PTPRT: variants seen among roughly 807,000 people sequenced by gnomAD.
The protein encoded by PTPRT is receptor-type tyrosine-protein phosphatase T.
Under a neutral mutation model 176.8 loss-of-function variants are expected in PTPRT, and 56 were observed. The observed-to-expected ratio is 0.32, with a 90% confidence interval of 0.26 to 0.40. PTPRT has a LOEUF of 0.40. Among genes scored for constraint, PTPRT ranks in the 10% least tolerant of loss-of-function variants. PTPRT has a pLI of 1.00. For synonymous variants in PTPRT, 783 were observed against 739.0 expected (o/e 1.06, Z -0.96); for missense variants, 1,540 against 1,908.2 (o/e 0.81, Z 3.60).
intron 1 of PTPRT, among the ~76,000 whole-genome samples, chr20:43,083,516 T>C (rs1177537921): frequency 6.6e-6 from 1 of 151,022 alleles, no homozygotes; most frequent in East Asian, 1.9e-4. Flanking sequence ...ACGCAACACC[T>C]GCCTGGCTCA....
intron 6 of PTPRT, among the ~76,000 whole-genome samples, chr20:42,724,425 G>A (rs1600664744): frequency 6.6e-6 from 1 of 152,118 alleles, no homozygotes; most frequent in South Asian, 2.1e-4. Flanking sequence ...GGAGGTAGAA[G>A]GTAAATTTAA....
chr20:43,022,326 T>C (rs1272911002), intron 1 of PTPRT, among the ~76,000 whole-genome samples: 1 of 152,196 alleles, frequency 6.6e-6, no homozygotes, highest in African/African-American at 2.4e-5. Flanking sequence ...ATTGTTGCAC[T>C]AGAGGAGACT....
intron 7 of PTPRT, among the ~76,000 whole-genome samples, chr20:42,551,392 A>C (rs2072767790): frequency 6.6e-6 from 1 of 152,120 alleles, no homozygotes; most frequent in Admixed American, 6.6e-5. Flanking sequence ...TCCATAGACA[A>C]ATTTCAATAA....
chr20:42,077,140 T>C lies in PTPRT; in HGVS notation c.*3739A>G, dbSNP rs1982854048. ...AATTTAATGAGCTCACATGTTAGAG[T>C]CCCCAGCATAGGGTCTGTTGGTTCC... On this transcript the variant is annotated 3_prime_UTR_variant, in exon 31 of 31. Transcript: ENST00000373187. 5.5e-6 allele frequency: 1 copy of C among 182,108 alleles called. No individual in the cohort carries two copies. The highest frequency in any genetic ancestry group is 1.2e-5 in the Non-Finnish European group (1 of 85,598). 11.3% of individuals were successfully genotyped at this position (182,108 alleles called of 1,614,324 possible). A position where few individuals can be genotyped will look rare whatever the true frequency, so the allele number is the denominator to read the frequency against.
At chr20:42,781,866 T>C (rs761632885) in intron 3 of PTPRT, among the ~76,000 whole-genome samples, 2 of 152,212 alleles carry the variant, frequency 1.3e-5, no homozygotes, top group African/African-American at 4.8e-5. Context: ...TAAACTCTTG[T>C]TCCAAGTGCC....
At chr20:42,344,889 C>T (rs756891055) in intron 11 of PTPRT, among the ~76,000 whole-genome samples, 20 of 152,204 alleles carry the variant, frequency 1.3e-4, no homozygotes, top group East Asian at 1.9e-4. Context: ...TCTCTGTGTG[C>T]GCTTTTGCAT....
At chr20:43,125,452 C>T (rs2146367155) in intron 1 of PTPRT, among the ~76,000 whole-genome samples, 1 of 152,272 alleles carries the variant, frequency 6.6e-6, no homozygotes, top group East Asian at 1.9e-4. Context: ...AAGCTCCCCC[C>T]ATGTAAGAGA....
chr20:42,069,469 T>C (rs926002067), downstream of PTPRT, among the ~76,000 whole-genome samples: 1 of 152,212 alleles, frequency 6.6e-6, no homozygotes, highest in African/African-American at 2.4e-5. Flanking sequence ...GATCCAGGTA[T>C]ATGGCAGGTC....
chr20:42,662,196 G>C (rs12480300), intron 7 of PTPRT, among the ~76,000 whole-genome samples: 1 of 152,058 alleles, frequency 6.6e-6, no homozygotes. Flanking sequence ...AGCCTACTTC[G>C]TTCCTTGCCA....
At chr20:42,276,286 A>C in intron 13 of PTPRT, among the ~76,000 whole-genome samples, 1 of 151,408 alleles carries the variant, frequency 6.6e-6, no homozygotes, top group Non-Finnish European at 1.5e-5. Flanking sequence ...AAGTGAGGCC[A>C]ACATCACTCC....
At chr20:42,167,161 A>G (rs945649537) in intron 16 of PTPRT, among the ~76,000 whole-genome samples, 3 of 152,218 alleles carry the variant, frequency 2.0e-5, no homozygotes, top group African/African-American at 7.2e-5. Context: ...GTATCCAGGA[A>G]GCAGTAAAAA....
intron 1 of PTPRT, among the ~76,000 whole-genome samples, chr20:42,932,768 C>T (rs1385248913): frequency 1.3e-5 from 2 of 152,228 alleles, no homozygotes; most frequent in African/African-American, 4.8e-5. Context: ...CCACCCTGGA[C>T]ACCTAGGTTA....
chr20:42,777,378 C>T (rs1427942315), intron 4 of PTPRT, among the ~76,000 whole-genome samples: 1 of 152,148 alleles, frequency 6.6e-6, no homozygotes, highest in Non-Finnish European at 1.5e-5. Flanking sequence ...GTCTGAAGCA[C>T]CCCTCCACCA....
intron 9 of PTPRT, among the ~76,000 whole-genome samples, chr20:42,436,678 A>C (rs2059264814): frequency 6.6e-6 from 1 of 152,206 alleles, no homozygotes; most frequent in African/African-American, 2.4e-5. Context: ...TTCTAGATAG[A>C]AATTCAGGAG....
chr20:42,596,072 G>C (rs887672900), intron 7 of PTPRT, among the ~76,000 whole-genome samples: 5 of 152,132 alleles, frequency 3.3e-5, no homozygotes, highest in African/African-American at 1.2e-4. Flanking sequence ...TCATCCACTG[G>C]TAATAAAGGC....
chr20:42,120,287 T>A (rs1987519073), intron 19 of PTPRT, among the ~76,000 whole-genome samples: 1 of 151,832 alleles, frequency 6.6e-6, no homozygotes, highest in Non-Finnish European at 1.5e-5. Context: ...AGAGAAGGAG[T>A]TTCCAGGTTT....
chr20:42,367,349 T>C (rs1053191417), intron 9 of PTPRT, among the ~76,000 whole-genome samples: 1 of 152,162 alleles, frequency 6.6e-6, no homozygotes, highest in Non-Finnish European at 1.5e-5. Context: ...AGAGAGGGTG[T>C]TTGATGGTAT....
At chr20:42,603,793 G>T (rs990199261) in intron 7 of PTPRT, among the ~76,000 whole-genome samples, 1 of 152,060 alleles carries the variant, frequency 6.6e-6, no homozygotes, top group Non-Finnish European at 1.5e-5. Context: ...CTTTATCCCC[G>T]TAGATGTGTT....
chr20:42,866,773 C>G lies in PTPRT; in HGVS notation c.214+19034G>C, dbSNP rs115343834. Among the ~76,000 whole-genome samples, 1,001 of 152,282 alleles carry G rather than the reference C, an allele frequency of 6.6e-3. 18 individuals are homozygous for G. The highest frequency in any genetic ancestry group is 0.023 in the African/African-American group (958 of 41,558). ...AGAGTATTGGTTTGAGTATTTGCCT[C>G]TGCCACTTACGTGTGATTTTAGATA... On this transcript the variant is annotated intron_variant, in intron 2 of 30. Coordinates refer to ENST00000373187, the MANE Select transcript of PTPRT (RefSeq NM_007050.6).
Sources: gnomAD v4.1 joint callset for allele counts (sites outside exome capture counted in the v4.1 genomes callset) on GRCh38, gnomAD v4.1.1 for gene constraint, MANE v1.5 for transcripts, NCBI Gene and HGNC (gene_info 2026-07-23, HGNC 2026-07-21) for gene names.